The following PCDHGB1 variants were observed in gnomAD, a reference collection of about 807,000 sequenced individuals.
PCDHGB1 encodes the protein protocadherin gamma-B1.
In PCDHGB1, 34 loss-of-function variants were observed where a neutral mutation model predicts 56.6. That is an observed-to-expected ratio of 0.60 (90% CI 0.46 to 0.80). PCDHGB1 has a LOEUF of 0.80. PCDHGB1 is among the 30% of genes least tolerant of loss of function. The pLI, the probability that PCDHGB1 is intolerant of heterozygous loss-of-function variation, is 0.00. For synonymous variants in PCDHGB1, 561 were observed against 505.9 expected (o/e 1.11, Z -1.46); for missense variants, 1,278 against 1,204.6 (o/e 1.06, Z -0.90).
In PCDHGB1 at chr5:141,351,102, C is replaced by T. The variant is rs1315943031; in HGVS notation, c.842C>T (p.Ser281Phe). 3 of 1,613,964 alleles carry T rather than the reference C, an allele frequency of 1.9e-6. No individual in the cohort carries two copies. In the African/African-American group the frequency reaches 4.0e-5, roughly 22 times the overall value. The change falls in exon 1 of 4, where the codon TCC becomes TTC. Residue 281 changes from serine (S) to phenylalanine (F), a missense_variant. Ser to Phe is a radical substitution (Grantham distance 155). Coordinates refer to ENST00000523390, the MANE Select transcript of PCDHGB1 (RefSeq NM_018922.3). ...GAGATCACCTATGCCTTCCTCAATTCCCCAATAAGTACCAGCCTCTTCAAT... is the reference window on the plus strand; with the variant it reads ...GAGATCACCTATGCCTTCCTCAATTTCCCAATAAGTACCAGCCTCTTCAAT... ...NAEITYAFLNSPISTSLFNLN... is the reference protein window; with the variant it reads ...NAEITYAFLNFPISTSLFNLN...
At chr5:141,407,703 G>T (rs1016806853) in intron 1 of PCDHGB1, among the ~76,000 whole-genome samples, 1 of 152,096 alleles carries the variant, frequency 6.6e-6, no homozygotes, top group Admixed American at 6.6e-5. Context: ...ATTGTTGAAG[G>T]TGGGGTGATG....
chr5:141,441,150 T>C (rs1421773650), intron 1 of PCDHGB1: 4 of 152,122 alleles, frequency 2.6e-5, no homozygotes, highest in African/African-American at 7.2e-5. Context: ...ATAATGACAA[T>C]ATCCTAGAGG....
Position 141,433,407 on chromosome 5 carries a change from T to C in PCDHGB1, c.2410-61400T>C, listed in dbSNP as rs939103465. Among the ~76,000 whole-genome samples, 537 of 125,956 alleles carry C rather than the reference T, an allele frequency of 4.3e-3. 4 individuals carry two copies. Among genetic ancestry groups the C allele is most frequent in the African/African-American group, 0.016 (523 of 33,156 alleles). The allele number at this position is 125,956 out of a possible 152,430, so 82.6% of individuals were successfully genotyped here. On this transcript the variant is annotated intron_variant, in intron 1 of 3. Coordinates refer to ENST00000523390, the MANE Select transcript of PCDHGB1 (RefSeq NM_018922.3). ...TCTATCTATCTATCTATCTATCTATTACTTTCTTGTACAGACAGGAGTCTC... is the reference window on the plus strand; with the variant it reads ...TCTATCTATCTATCTATCTATCTATCACTTTCTTGTACAGACAGGAGTCTC...
intron 1 of PCDHGB1, chr5:141,372,604 C>A: frequency 6.2e-7 from 1 of 1,613,988 alleles, no homozygotes; most frequent in Non-Finnish European, 8.5e-7. Context: ...AAGACTGTAC[C>A]TGGAGTTCTC....
At chr5:141,425,524 G>C (rs2096881323) in intron 1 of PCDHGB1, among the ~76,000 whole-genome samples, 1 of 152,184 alleles carries the variant, frequency 6.6e-6, no homozygotes, top group Non-Finnish European at 1.5e-5. Context: ...GATGAAACAT[G>C]AAACAATAAT....
chr5:141,374,949 C>T (rs1770969144), intron 1 of PCDHGB1: 1 of 1,614,022 alleles, frequency 6.2e-7, no homozygotes, highest in African/African-American at 1.3e-5. Context: ...GAAAAGATCT[C>T]ACAAATTTTC....
At position 141,415,171 on chromosome 5, in the gene PCDHGB1, G is replaced by A. The variant is rs748508713; in HGVS notation, c.2409+62502G>A. ...TCTCTCCGCCACTGTCACGCTCACC[G>A]TGGCCGTGGCCGACAGCATCCCCCA... On this transcript the variant is annotated intron_variant, in intron 1 of 3. Coordinates refer to ENST00000523390, the MANE Select transcript of PCDHGB1 (RefSeq NM_018922.3). 8 of 1,613,876 alleles carry A rather than the reference G, an allele frequency of 5.0e-6. No homozygotes were observed. In the South Asian group the frequency reaches 6.6e-5, roughly 13 times the overall value.
chr5:141,374,069 C>T (rs747646831), intron 1 of PCDHGB1: 8 of 1,502,764 alleles, frequency 5.3e-6, no homozygotes, highest in Non-Finnish European at 7.1e-6. Context: ...CAGAGAAGTT[C>T]CTAATAAGCC....
chr5:141,488,540 A>C (rs901890616), intron 1 of PCDHGB1, among the ~76,000 whole-genome samples: 6 of 152,146 alleles, frequency 3.9e-5, no homozygotes, highest in Admixed American at 2.0e-4. Context: ...GCTAAGTCCC[A>C]TGTCAGCTGA....
At position 141,351,674 on chromosome 5, in the gene PCDHGB1, G is replaced by A. The variant is rs781547082; in HGVS notation, c.1414G>A (p.Ala472Thr). Residue 472 changes from alanine (A) to threonine (T), a missense_variant, in exon 1 of 4, where the codon GCC (alanine) becomes ACC (threonine). Transcript: ENST00000523390. ...PPGASIAQVSASDPDLGPNGR... is the reference protein window; with the variant it reads ...PPGASIAQVSTSDPDLGPNGR... ...TGGCGCCTCCATTGCACAAGTAAGCGCCTCCGACCCGGATTTGGGACCCAA... is the reference window on the plus strand; with the variant it reads ...TGGCGCCTCCATTGCACAAGTAAGCACCTCCGACCCGGATTTGGGACCCAA... 1.9e-6 allele frequency: 3 copies of A among 1,613,970 alleles called. No homozygotes were observed. Among genetic ancestry groups the A allele is most frequent in the East Asian group, 2.2e-5 (1 of 44,880 alleles).
chr5:141,400,144 G>A, intron 1 of PCDHGB1: 1 of 1,614,068 alleles, frequency 6.2e-7, no homozygotes, highest in Non-Finnish European at 8.5e-7. Context: ...GGATATCACT[G>A]ACCGCCCTGT....
At chr5:141,422,434 T>C in intron 1 of PCDHGB1, 5 of 1,609,566 alleles carry the variant, frequency 3.1e-6, no homozygotes, top group Non-Finnish European at 3.4e-6. Context: ...TGGAAATTAT[T>C]ACAAATTGAT....
rs766348365 is a variant in PCDHGB1, at chr5:141,360,614, C to T, written c.2409+7945C>T. The T allele has an allele frequency of 6.2e-6, 10 of 1,613,920 alleles. No individual in the cohort carries two copies. The Admixed American group carries it at 1.3e-4, about 22-fold the overall frequency. On this transcript the variant is annotated intron_variant, in intron 1 of 3. Coordinates refer to ENST00000523390, the MANE Select transcript of PCDHGB1 (RefSeq NM_018922.3). ...TTTCCACTTGACCCAGCCCTGGATT[C>T]AGATGTTGGTCCTAACTCACTACAA...
chr5:141,494,115 GC>G (rs1445167222), intron 1 of PCDHGB1, among the ~76,000 whole-genome samples: 1 of 152,186 alleles, frequency 6.6e-6, no homozygotes, highest in African/African-American at 2.4e-5. Context: ...AGACAGAGCA[GC>G]CTTGTTCTCT....
chr5:141,440,883 T>C (rs1435173649), intron 1 of PCDHGB1: 4 of 152,178 alleles, frequency 2.6e-5, no homozygotes, highest in Non-Finnish European at 5.9e-5. Flanking sequence ...AGCGTCGGCC[T>C]TCAGGAAGAT....
intron 1 of PCDHGB1, chr5:141,441,743 C>G (rs1298220876): frequency 2.7e-6 from 1 of 367,284 alleles, no homozygotes; most frequent in Non-Finnish European, 5.4e-6. Flanking sequence ...AGCTCGCGCT[C>G]GGCGTCAACG....
At chr5:141,481,282 T>C (rs2099534931) in intron 1 of PCDHGB1, among the ~76,000 whole-genome samples, 1 of 152,148 alleles carries the variant, frequency 6.6e-6, no homozygotes, top group African/African-American at 2.4e-5. Flanking sequence ...CATAAAATGG[T>C]ATTTCAGTCA....
chr5:141,357,567 G>C (rs751974557), intron 1 of PCDHGB1: 39 of 1,614,096 alleles, frequency 2.4e-5, no homozygotes, highest in Non-Finnish European at 3.2e-5. Context: ...AGAAAAGCGA[G>C]CCTCTTCTGA....
chr5:141,385,626 G>T, intron 1 of PCDHGB1: 1 of 1,001,778 alleles, frequency 1.0e-6, no homozygotes, highest in Non-Finnish European at 1.3e-6. Flanking sequence ...ACATTGGAAT[G>T]AATCGAGTCT....
Sources: allele counts gnomAD v4.1 joint callset (sites outside exome capture counted in the v4.1 genomes callset), GRCh38; gene constraint gnomAD v4.1.1; transcripts MANE v1.5; gene names NCBI Gene and HGNC (gene_info 2026-07-23, HGNC 2026-07-21).